OR2L13: variants seen among roughly 807,000 people sequenced by gnomAD.
OR2L13 encodes olfactory receptor family 2 subfamily L member 13, also known as olfactory receptor 2L13.
In OR2L13, 14 loss-of-function variants were observed where a neutral mutation model predicts 15.3. The observed-to-expected ratio is 0.91, with a 90% CI of 0.60 to 1.43. The LOEUF (loss-of-function observed/expected upper bound fraction) is 1.43. Ranked by LOEUF, OR2L13 falls within the 40% of genes most tolerant of loss-of-function variation. The pLI is 0.00. For missense variants in OR2L13, 367 were observed against 387.9 expected, an observed-to-expected ratio of 0.95 and a Z score of 0.45; for synonymous variants, 152 against 142.9, an observed-to-expected ratio of 1.06 and a Z score of -0.45.
chr1:247,952,276 CA>C, the OR2L13 span, among the ~76,000 whole-genome samples: 1 of 152,162 alleles, frequency 6.6e-6, no homozygotes, highest in Non-Finnish European at 1.5e-5. Context: ...TGAATGACAT[CA>C]TGCAGTCTAG....
chr1:247,995,334 A>T, the OR2L13 span, among the ~76,000 whole-genome samples: 1 of 152,194 alleles, frequency 6.6e-6, no homozygotes, highest in African/African-American at 2.4e-5. Flanking sequence ...TCTGTTCTCT[A>T]TGGCTCCACA....
the OR2L13 span, chr1:247,997,025 A>C: frequency 1.3e-5 from 2 of 152,202 alleles, no homozygotes; most frequent in Non-Finnish European, 2.9e-5. Flanking sequence ...AGTGGTGTTT[A>C]CAATTGATCA....
the OR2L13 span, among the ~76,000 whole-genome samples, chr1:248,006,503 A>C: frequency 6.6e-6 from 1 of 152,234 alleles, no homozygotes; most frequent in East Asian, 1.9e-4. Context: ...GACCCTGTGC[A>C]TAGGTCCATG....
At chr1:248,050,145 A>G in the OR2L13 span, among the ~76,000 whole-genome samples, 20 of 152,140 alleles carry the variant, frequency 1.3e-4, no homozygotes, top group Non-Finnish European at 2.1e-4. Context: ...GACGTAGTTC[A>G]GGTTTCAGGT....
chr1:248,012,713 A>G, the OR2L13 span, among the ~76,000 whole-genome samples: 4 of 152,112 alleles, frequency 2.6e-5, no homozygotes, highest in Non-Finnish European at 4.4e-5. Context: ...TACACTACCT[A>G]CCCTGATTAG....
the OR2L13 span, among the ~76,000 whole-genome samples, chr1:248,024,542 C>G: frequency 6.6e-6 from 1 of 152,048 alleles, no homozygotes; most frequent in African/African-American, 2.4e-5. Flanking sequence ...GGTTTTAGGT[C>G]TAACGTTTAA....
At chr1:248,031,459 T>C in the OR2L13 span, among the ~76,000 whole-genome samples, 4 of 152,224 alleles carry the variant, frequency 2.6e-5, no homozygotes. Flanking sequence ...GCTTCTGCCT[T>C]AATGGGCAGT....
the OR2L13 span, among the ~76,000 whole-genome samples, chr1:248,065,960 C>A: frequency 2.0e-5 from 3 of 152,180 alleles, no homozygotes; most frequent in East Asian, 5.8e-4. Context: ...CTTCCAGTAC[C>A]CTCTCTGTAT....
At chr1:248,028,169 A>G in the OR2L13 span, among the ~76,000 whole-genome samples, 5 of 146,332 alleles carry the variant, frequency 3.4e-5, no homozygotes, top group Admixed American at 3.5e-4. Context: ...AAAAAAAAAA[A>G]TCATGTCCAA....
At chr1:248,000,177 A>G in the OR2L13 span, among the ~76,000 whole-genome samples, 1 of 148,540 alleles carries the variant, frequency 6.7e-6, no homozygotes, top group Non-Finnish European at 1.5e-5. Context: ...AAATAATCCT[A>G]TCAATTTTAA....
the OR2L13 span, among the ~76,000 whole-genome samples, chr1:247,996,818 C>T: frequency 6.6e-6 from 1 of 152,098 alleles, no homozygotes; most frequent in Non-Finnish European, 1.5e-5. Flanking sequence ...GACATGGCAC[C>T]TACTATTATG....
At chr1:247,978,021 C>A in the OR2L13 span, among the ~76,000 whole-genome samples, 5,890 of 152,150 alleles carry the variant, frequency 0.039, 352 homozygotes, top group African/African-American at 0.13. Flanking sequence ...TTCTTCAGAG[C>A]GATGAAGCCA....
the OR2L13 span, among the ~76,000 whole-genome samples, chr1:248,072,658 A>C: frequency 3.3e-5 from 5 of 151,996 alleles, no homozygotes; most frequent in African/African-American, 1.2e-4. Flanking sequence ...GCTTCTGCAC[A>C]GCAAAAGAAA....
At chr1:248,057,151 A>G in the OR2L13 span, among the ~76,000 whole-genome samples, 1 of 152,162 alleles carries the variant, frequency 6.6e-6, no homozygotes, top group Non-Finnish European at 1.5e-5. Context: ...GACATCTATC[A>G]GGTCCACATG....
At chr1:247,990,685 T>G in the OR2L13 span, 1 of 1,528,748 alleles carries the variant, frequency 6.5e-7, no homozygotes, top group East Asian at 2.3e-5. Context: ...AAAAAGAGTG[T>G]GTGCACTGAT....
At chr1:247,988,873 C>A in the OR2L13 span, among the ~76,000 whole-genome samples, 1 of 152,100 alleles carries the variant, frequency 6.6e-6, no homozygotes, top group Non-Finnish European at 1.5e-5. Context: ...TTCCCTAATG[C>A]TTAGATTACA....
At chr1:247,949,835 A>T in the OR2L13 span, 3 of 1,495,716 alleles carry the variant, frequency 2.0e-6, no homozygotes, top group East Asian at 6.8e-5. Flanking sequence ...TCAGATACAC[A>T]TCCATTCAGC....
At chr1:248,027,185 G>A in the OR2L13 span, among the ~76,000 whole-genome samples, 1 of 152,138 alleles carries the variant, frequency 6.6e-6, no homozygotes. Flanking sequence ...CATAGATAAG[G>A]GACGAAATAA....
chr1:247,980,969 T>G, the OR2L13 span: 140 of 152,308 alleles, frequency 9.2e-4, no homozygotes, highest in African/African-American at 3.1e-3. Context: ...AAATTTTTAT[T>G]GATCACAGGG....
Sources: allele counts gnomAD v4.1 joint callset (sites outside exome capture counted in the v4.1 genomes callset), GRCh38; gene constraint gnomAD v4.1.1; transcripts MANE v1.5; gene names NCBI Gene and HGNC (gene_info 2026-07-23, HGNC 2026-07-21).